Variants in PAK3 observed in about 807,000 individuals in gnomAD.
PAK3 encodes p21 (RAC1) activated kinase 3, also known as serine/threonine-protein kinase PAK 3.
A neutral mutation model predicts 41.0 loss-of-function variants in PAK3; 4 were observed. That is an observed-to-expected ratio of 0.10 (90% CI 0.05 to 0.22). The LOEUF is 0.22. Ranked by LOEUF, PAK3 falls within the 10% of genes least tolerant of loss-of-function variation. The pLI, the probability that PAK3 is intolerant of heterozygous loss-of-function variation, is 1.00. For synonymous variants in PAK3, 146 were observed against 139.6 expected (o/e 1.05, Z -0.32); for missense variants, 205 against 409.9 (o/e 0.50, Z 4.32).
chrX:111,125,944 A>G (rs1277478925), intron 5 of PAK3, among the ~76,000 whole-genome samples: 1 of 112,017 alleles, frequency 8.9e-6, no homozygotes, highest in African/African-American at 3.2e-5. Flanking sequence ...GGTGTCTTCA[A>G]AAAGGACTTG....
At chrX:111,209,562 A>AT (rs1305208325) in intron 16 of PAK3, among the ~76,000 whole-genome samples, 5 of 111,849 alleles carry the variant, frequency 4.5e-5, no homozygotes, top group African/African-American at 1.3e-4. Context: ...GTATCATATG[A>AT]TTTCCATGGT....
At chrX:111,088,051 G>A (rs1369159287) in intron 1 of PAK3, among the ~76,000 whole-genome samples, 1 of 111,044 alleles carries the variant, frequency 9.0e-6, no homozygotes, top group Non-Finnish European at 1.9e-5. Flanking sequence ...AACCTGAGGA[G>A]ATTTTTTAAA....
chrX:111,127,285 G>C (rs1294141984), intron 5 of PAK3, among the ~76,000 whole-genome samples: 1 of 110,797 alleles, frequency 9.0e-6, no homozygotes, highest in African/African-American at 3.3e-5. Context: ...TCCAAATTTG[G>C]CCATTGTAAT....
chrX:111,134,990 T>C (rs951311210), intron 5 of PAK3, among the ~76,000 whole-genome samples: 1 of 111,340 alleles, frequency 9.0e-6, no homozygotes, highest in African/African-American at 3.3e-5. Flanking sequence ...TTAAATTTGA[T>C]TCTGAAGGCA....
intron 1 of PAK3, among the ~76,000 whole-genome samples, chrX:110,984,981 T>C (rs190335248): frequency 9.0e-6 from 1 of 110,693 alleles, no homozygotes; most frequent in African/African-American, 3.3e-5. Context: ...ATACAAAAAT[T>C]AGCCAGGCGT....
chrX:111,095,318 G>T (rs1199218821), upstream of PAK3, among the ~76,000 whole-genome samples: 1 of 112,213 alleles, frequency 8.9e-6, no homozygotes, highest in African/African-American at 3.2e-5. Context: ...ATTATAATTT[G>T]AATGTCCTTA....
intron 8 of PAK3, among the ~76,000 whole-genome samples, chrX:111,158,127 A>C (rs2094130370): frequency 1.8e-5 from 2 of 111,954 alleles, no homozygotes; most frequent in African/African-American, 6.5e-5. Flanking sequence ...ATAGGGTTTT[A>C]GGGCTTAGAC....
rs749378273 is a variant in PAK3 at position 111,006,388 on chromosome X, C to T, written c.-28+61760C>T. Reference sequence around the variant, plus strand: ...GCGGTGAAAGGCATGATGTCTGCAACAAACTCAAATGGATTAGGGAGAAAA... The same window carrying T: ...GCGGTGAAAGGCATGATGTCTGCAATAAACTCAAATGGATTAGGGAGAAAA... On this transcript the variant is annotated intron_variant, in intron 1 of 14. Transcript: ENST00000425146. 4.5e-5 allele frequency among the ~76,000 whole-genome samples: 5 copies of T among 111,502 alleles called. No homozygotes were observed. The Admixed American group carries it at 4.7e-4, about 11-fold the overall frequency.
chrX:111,207,636 A>G lies in PAK3; in HGVS notation c.1408-8785A>G, dbSNP rs1282235841. ...TTCAGGAAGTATTTGCAAGCAAGGT[A>G]TTGTTATCCTAGGAGGTGACAGCGC... is the stretch of plus-strand genomic sequence containing the variant. On this transcript the variant is annotated intron_variant, in intron 16 of 17. Transcript: ENST00000372007. Among the ~76,000 whole-genome samples the G allele has an allele frequency of 3.6e-5, 4 of 111,837 alleles. No individual in the cohort carries two copies. The South Asian group carries it at 1.1e-3, about 32-fold the overall frequency.
At chrX:111,200,532 A>G (rs2149345260) in intron 16 of PAK3, among the ~76,000 whole-genome samples, 1 of 112,324 alleles carries the variant, frequency 8.9e-6, no homozygotes, top group Non-Finnish European at 1.9e-5. Flanking sequence ...GCATTTTCCC[A>G]CCGTTTGTGG....
chrX:111,138,409 T>A (rs977838799), intron 5 of PAK3, among the ~76,000 whole-genome samples: 1 of 110,678 alleles, frequency 9.0e-6, no homozygotes, highest in African/African-American at 3.3e-5. Context: ...GAGGTAGATA[T>A]GTAAAAAATA....
chrX:110,994,228 T>C (rs887772978), intron 1 of PAK3, among the ~76,000 whole-genome samples: 2 of 112,299 alleles, frequency 1.8e-5, no homozygotes, highest in African/African-American at 6.5e-5. Flanking sequence ...CTTGTCCTTC[T>C]CAGATATTGT....
At chrX:111,099,277 G>C (rs747906768) in intron 3 of PAK3, among the ~76,000 whole-genome samples, 1 of 111,917 alleles carries the variant, frequency 8.9e-6, no homozygotes, top group South Asian at 3.8e-4. Context: ...CCTAACCGGG[G>C]GTTTAATTGG....
At chrX:111,106,399 C>T (rs1359415482) in intron 4 of PAK3, among the ~76,000 whole-genome samples, 1 of 111,464 alleles carries the variant, frequency 9.0e-6, no homozygotes, top group South Asian at 3.9e-4. Context: ...CACTCACAAT[C>T]GCCATGCCAC....
intron 1 of PAK3, among the ~76,000 whole-genome samples, chrX:111,014,346 T>A (rs913054200): frequency 4.5e-5 from 5 of 111,222 alleles, no homozygotes; most frequent in Admixed American, 1.9e-4. Context: ...GTAAAAAAAA[T>A]TAGGTAGTTA....
Position 111,225,724 on chromosome X carries a change from C to G in PAK3, c.*5277C>G, listed in dbSNP as rs2094949631. The G allele has an allele frequency of 8.9e-6, 1 of 111,932 alleles. No homozygotes were observed. The highest frequency in any genetic ancestry group is 3.3e-5 in the African/African-American group (1 of 30,745). The allele number at this position is 111,932 out of a possible 1,213,427, so 9.2% of individuals were successfully genotyped here. A position where few individuals can be genotyped will look rare whatever the true frequency, so the allele number is the denominator to read the frequency against. ...TCATCTGTAAAATAAGTGTATTGGA[C>G]TAGATGATCCTTAGGGTCTTTCCAA... On this transcript the variant is annotated 3_prime_UTR_variant, in exon 18 of 18. Transcript: ENST00000372007.
chrX:111,034,702 C>T (rs1389226660), intron 1 of PAK3, among the ~76,000 whole-genome samples: 1 of 111,214 alleles, frequency 9.0e-6, no homozygotes, highest in Non-Finnish European at 1.9e-5. Context: ...GGGGAATGAC[C>T]TTCAGACTAA....
intron 11 of PAK3, among the ~76,000 whole-genome samples, chrX:111,176,048 C>T (rs144583590): frequency 0.01 from 1,136 of 111,257 alleles, 12 homozygotes; most frequent in African/African-American, 0.035. Flanking sequence ...AATTGTATTC[C>T]TACTTTTGTC....
chrX:111,187,520 G>A (rs2094522137), intron 11 of PAK3, among the ~76,000 whole-genome samples: 1 of 111,477 alleles, frequency 9.0e-6, no homozygotes, highest in Non-Finnish European at 1.9e-5. Flanking sequence ...TGAACCAGGG[G>A]AGGTTTGAAT....
Sources: gnomAD v4.1 joint callset for allele counts (sites outside exome capture counted in the v4.1 genomes callset) on GRCh38, gnomAD v4.1.1 for gene constraint, MANE v1.5 for transcripts, NCBI Gene and HGNC (gene_info 2026-07-23, HGNC 2026-07-21) for gene names.